The following TGS1 variants were observed in gnomAD, a reference collection of about 807,000 sequenced individuals.
TGS1 encodes trimethylguanosine synthase 1, also known as trimethylguanosine synthase.
In TGS1, 69 loss-of-function variants were observed where a neutral mutation model predicts 92.2. The observed-to-expected ratio is 0.75, with a 90% CI of 0.62 to 0.91. The LOEUF (loss-of-function observed/expected upper bound fraction) is 0.91, where lower values mean the gene tolerates loss of function less well. TGS1 is among the 40% of genes least tolerant of loss of function. TGS1 has a pLI of 0.00. For missense variants in TGS1, 1,062 were observed against 1,001.2 expected (o/e 1.06, Z -0.82); for synonymous variants, 345 against 338.1 (o/e 1.02, Z -0.22).
chr8:55,791,228 G>A (rs1220731064), intron 5 of TGS1, among the ~76,000 whole-genome samples: 1 of 152,192 alleles, frequency 6.6e-6, no homozygotes, highest in Non-Finnish European at 1.5e-5. Flanking sequence ...TCAAAACAGA[G>A]TCACTTGTGT....
At chr8:55,779,192 C>T (rs1013058579) in intron 1 of TGS1, among the ~76,000 whole-genome samples, 1 of 152,144 alleles carries the variant, frequency 6.6e-6, no homozygotes, top group Non-Finnish European at 1.5e-5. Context: ...GACTACTTAG[C>T]AAGTATAATG....
chr8:55,820,531 C>T (rs918141093), intron 12 of TGS1, among the ~76,000 whole-genome samples: 1 of 152,090 alleles, frequency 6.6e-6, no homozygotes, highest in South Asian at 2.1e-4. Flanking sequence ...GAGCCAGACT[C>T]GTCTCAAAAA....
At chr8:55,823,400 G>C (rs1478501570) in intron 12 of TGS1, among the ~76,000 whole-genome samples, 2 of 152,188 alleles carry the variant, frequency 1.3e-5, no homozygotes, top group African/African-American at 4.8e-5. Context: ...CTGTGGAAGT[G>C]GGGAGGGAGC....
At chr8:55,797,185 A>G (rs1056103469) in intron 7 of TGS1, among the ~76,000 whole-genome samples, 1 of 152,158 alleles carries the variant, frequency 6.6e-6, no homozygotes, top group East Asian at 1.9e-4. Context: ...CAGAAAACTT[A>G]AAATTATGGT....
chr8:55,813,705 C>G (rs1042333803), intron 12 of TGS1, among the ~76,000 whole-genome samples: 1 of 152,108 alleles, frequency 6.6e-6, no homozygotes, highest in Admixed American at 6.5e-5. Context: ...ATTATTTCTT[C>G]AACTATGTTC....
Position 55,773,564 on chromosome 8 carries a change from G to A in TGS1, c.-55G>A. The stretch of plus-strand genomic sequence containing the variant: ...TTAAGTCTCCAGTAACCGAGCGGAG[G>A]CCCGGCAGGCGCGACCCGGGCTGCG... On this transcript the variant is annotated 5_prime_UTR_variant, in exon 1 of 13. Coordinates refer to ENST00000260129, the MANE Select transcript of TGS1 (RefSeq NM_024831.8). 2.1e-6 allele frequency: 3 copies of A among 1,415,652 alleles called. No individual in the cohort carries two copies. Among genetic ancestry groups the A allele is most frequent in the Non-Finnish European group, 2.9e-6 (3 of 1,018,130 alleles). The allele number at this position is 1,415,652 out of a possible 1,614,324, so 87.7% of individuals were successfully genotyped here.
intron 9 of TGS1, 44 bp downstream of exon 9, chr8:55,802,650 C>A: frequency 6.5e-7 from 1 of 1,544,082 alleles, no homozygotes; most frequent in South Asian, 1.2e-5. Flanking sequence ...GAAACCACTT[C>A]AAACTTAAAA....
intron 2 of TGS1, among the ~76,000 whole-genome samples, chr8:55,783,776 G>A (rs926537558): frequency 1.3e-5 from 2 of 152,174 alleles, no homozygotes; most frequent in African/African-American, 4.8e-5. Flanking sequence ...TCATGGCGAT[G>A]GAACAAATTA....
At chr8:55,781,781 G>A (rs1462790168) in intron 1 of TGS1, among the ~76,000 whole-genome samples, 1 of 152,220 alleles carries the variant, frequency 6.6e-6, no homozygotes, top group Non-Finnish European at 1.5e-5. Flanking sequence ...ATTTTATTTA[G>A]TTAAATTTAT....
At chr8:55,787,902 AG>A (rs1342914036) in intron 4 of TGS1, among the ~76,000 whole-genome samples, 2 of 150,208 alleles carry the variant, frequency 1.3e-5, no homozygotes, top group South Asian at 2.1e-4. Flanking sequence ...AGCAAGAGAG[AG>A]GGGGGAGGTC....
chr8:55,815,755 T>G (rs1293660883), intron 12 of TGS1, among the ~76,000 whole-genome samples: 1 of 152,166 alleles, frequency 6.6e-6, no homozygotes, highest in African/African-American at 2.4e-5. Context: ...GGTCCCTTAT[T>G]ACCTCAATCT....
chr8:55,803,810 G>A (rs927814569), intron 9 of TGS1, among the ~76,000 whole-genome samples: 6 of 151,232 alleles, frequency 4.0e-5, no homozygotes, highest in African/African-American at 7.3e-5. Flanking sequence ...TTATGCCTCC[G>A]CCTCCTAAGT....
At chr8:55,802,366 T>C (rs1812241884) in intron 8 of TGS1, 91 bp from the exon 9 acceptor site, 1 of 1,069,772 alleles carries the variant, frequency 9.3e-7, no homozygotes, top group African/African-American at 1.6e-5. Flanking sequence ...CTGCTTGTAA[T>C]TATTTGATGT....
intron 4 of TGS1, among the ~76,000 whole-genome samples, chr8:55,788,664 G>A (rs182586636): frequency 3.7e-4 from 56 of 151,836 alleles, no homozygotes; most frequent in South Asian, 1.0e-3. Context: ...GGGTTTCACC[G>A]TGTTGGCCAG....
rs1462823310 is a variant in TGS1, at chr8:55,825,080, C to T, written c.*377C>T. ...GGGGCTTTAGGTGGGCACTGCCACACCGTACTAATTTTTGTATTTTTTGTA... is the reference window on the plus strand; with the variant it reads ...GGGGCTTTAGGTGGGCACTGCCACATCGTACTAATTTTTGTATTTTTTGTA... On this transcript the variant is annotated 3_prime_UTR_variant, in exon 13 of 13. Coordinates refer to ENST00000260129, the MANE Select transcript of TGS1 (RefSeq NM_024831.8). 1 of 167,098 alleles carries T rather than the reference C, an allele frequency of 6.0e-6. No individual in the cohort carries two copies. Among genetic ancestry groups the T allele is most frequent in the Non-Finnish European group, 1.3e-5 (1 of 77,868 alleles). The allele number at this position is 167,098 out of a possible 1,614,324, so 10.4% of individuals were successfully genotyped here.
intron 2 of TGS1, among the ~76,000 whole-genome samples, chr8:55,785,058 G>GTTTTTTTTTTTTTTTTTTTT (rs1262385274): frequency 2.1e-5 from 3 of 143,588 alleles, no homozygotes; most frequent in Non-Finnish European, 3.1e-5. Context: ...GGTGTTTTTT[G>GTTTTTTTTTTTTTTTTTTTT]TTTTTTGTTT....
In TGS1 at chr8:55,788,353, G is replaced by A. The variant is rs116185128; in HGVS notation, c.1162+1293G>A. Among the ~76,000 whole-genome samples, 793 of 152,016 alleles carry A rather than the reference G, an allele frequency of 5.2e-3. 4 individuals carry two copies. The highest frequency in any genetic ancestry group is 0.018 in the African/African-American group (745 of 41,440). ...CAGCTGACAGTTTCTAAAGAGCTCT[G>A]TCAACTTGCTTTTTTTCTCTATATT... is the stretch of plus-strand genomic sequence containing the variant. On this transcript the variant is annotated intron_variant, in intron 4 of 12. Transcript: ENST00000260129.
chr8:55,801,684 G>A (rs932292425), intron 8 of TGS1, among the ~76,000 whole-genome samples: 8 of 147,236 alleles, frequency 5.4e-5, no homozygotes, highest in African/African-American at 1.8e-4. Context: ...CGCCTCCCGG[G>A]TTCACGCCAT....
At chr8:55,802,717 T>C (rs966535374) in intron 9 of TGS1, 111 bp downstream of exon 9, 1 of 1,110,136 alleles carries the variant, frequency 9.0e-7, no homozygotes, top group African/African-American at 1.6e-5. Flanking sequence ...CAGATTCAGC[T>C]ATTTTCAACA....
Sources: allele counts gnomAD v4.1 joint callset (sites outside exome capture counted in the v4.1 genomes callset), GRCh38; gene constraint gnomAD v4.1.1; transcripts MANE v1.5; gene names NCBI Gene and HGNC (gene_info 2026-07-23, HGNC 2026-07-21).